Variants in ITIH2 observed in about 807,000 individuals in gnomAD.
The protein encoded by ITIH2 is inter-alpha-trypsin inhibitor heavy chain H2.
A neutral mutation model predicts 104.4 loss-of-function variants in ITIH2; 103 were observed. The observed-to-expected ratio is 0.99, with a 90% CI of 0.84 to 1.16. ITIH2 has a LOEUF of 1.16. Among genes scored for constraint, ITIH2 ranks in the 50% most tolerant of loss-of-function variants. The pLI is 0.00. For missense variants in ITIH2, 1,108 were observed against 1,162.4 expected, an observed-to-expected ratio of 0.95 and a Z score of 0.68; for synonymous variants, 436 against 435.4, an observed-to-expected ratio of 1.00 and a Z score of -0.02.
At chr10:7,741,413 C>G (rs1835123330) in intron 16 of ITIH2, among the ~76,000 whole-genome samples, 1 of 151,976 alleles carries the variant, frequency 6.6e-6, no homozygotes, top group African/African-American at 2.4e-5. Context: ...TGCCTGACCT[C>G]GTGATCCACC....
chr10:7,748,518 A>ATTTTTTTTTTTTTTTTTT (rs1564309292), intron 20 of ITIH2, among the ~76,000 whole-genome samples: 1 of 29,008 alleles, frequency 3.4e-5, no homozygotes, highest in Non-Finnish European at 9.0e-5. Context: ...CCGCCAATGC[A>ATTTTTTTTTTTTTTTTTT]TTCTTTTTTT....
chr10:7,717,243 C>T (rs953903870), intron 5 of ITIH2, among the ~76,000 whole-genome samples: 1 of 152,212 alleles, frequency 6.6e-6, no homozygotes, highest in East Asian at 1.9e-4. Context: ...TGAACCACCA[C>T]ACCCAGCCCA....
chr10:7,737,686 T>TTC lies in ITIH2; in HGVS notation c.1958-934_1958-933insCT, dbSNP rs1564305666. 2.0e-3 allele frequency among the ~76,000 whole-genome samples: 34 copies of TTC among 16,590 alleles called. 6 individuals are homozygous for TTC. Among genetic ancestry groups the TTC allele is most frequent in the East Asian group, 8.3e-3 (2 of 240 alleles). 10.9% of individuals were successfully genotyped at this position (16,590 alleles called of 152,430 possible). ...TATATTATATTCTATATTTTCTATA[T>TTC]TATATTCTATATAATATTCTATATT... On this transcript the variant is annotated intron_variant, in intron 15 of 20. Transcript: ENST00000358415.
intron 18 of ITIH2, 111 bp downstream of exon 18, chr10:7,744,391 G>T (rs1250373936): frequency 2.1e-6 from 2 of 969,258 alleles, no homozygotes; most frequent in African/African-American, 3.3e-5. Flanking sequence ...TTAAATATAA[G>T]GAAGTTGAGG....
intron 9 of ITIH2, among the ~76,000 whole-genome samples, chr10:7,724,516 G>A (rs1157678601): frequency 7.4e-6 from 1 of 134,744 alleles, no homozygotes; most frequent in African/African-American, 2.8e-5. Flanking sequence ...GTTGCAGCGA[G>A]CAGAGATCGC....
chr10:7,730,575 C>G (rs143014209), intron 12 of ITIH2, among the ~76,000 whole-genome samples: 4 of 152,142 alleles, frequency 2.6e-5, no homozygotes, highest in African/African-American at 9.7e-5. Context: ...AATCCCAGCT[C>G]TTTGGAGGCC....
At chr10:7,722,741 G>T (rs1834915850) in intron 8 of ITIH2, among the ~76,000 whole-genome samples, 1 of 152,184 alleles carries the variant, frequency 6.6e-6, no homozygotes, top group Non-Finnish European at 1.5e-5. Flanking sequence ...GCTTCCTAGA[G>T]AACCGTCCCC....
At chr10:7,711,587 T>C (rs1834797558) in intron 4 of ITIH2, among the ~76,000 whole-genome samples, 1 of 152,170 alleles carries the variant, frequency 6.6e-6, no homozygotes, top group Admixed American at 6.5e-5. Context: ...TCTGATTCGA[T>C]AGAAGCATGA....
intron 11 of ITIH2, chr10:7,729,730 T>A (rs768159118): frequency 9.7e-5 from 43 of 442,296 alleles, no homozygotes; most frequent in Non-Finnish European, 1.6e-4. Flanking sequence ...GTTTCCAATA[T>A]GTTGCTAATT....
intron 4 of ITIH2, among the ~76,000 whole-genome samples, 183 bp from the exon 5 acceptor site, chr10:7,712,998 T>TA (rs750866146): frequency 3.3e-5 from 5 of 152,094 alleles, no homozygotes; most frequent in Admixed American, 6.6e-5. Context: ...CAGACGCCTA[T>TA]AATCCCAGCT....
rs1387689911 is a variant in ITIH2 at position 7,738,736 on chromosome 10, G to A, written c.2073G>A (p.Thr691=). 6.2e-6 allele frequency: 10 copies of A among 1,612,106 alleles called. No homozygotes were observed. The highest frequency in any genetic ancestry group is 2.2e-5 in the South Asian group (2 of 90,860). ...AAGGATCTCAGGTGCTAGAGTCCAC[G>A]CCACCCCCACATGTGATGAGAGGTA... ...LAQGSQVLES[T]PPPHVMRVEN... Residue 691 remains threonine, a synonymous_variant, in exon 16 of 21, where the codon ACG becomes ACA. Coordinates refer to ENST00000358415, the MANE Select transcript of ITIH2 (RefSeq NM_002216.3).
chr10:7,721,776 A>G lies in ITIH2; in HGVS notation c.866A>G (p.Glu289Gly). Residue 289 changes from glutamate (E) to glycine (G), a missense_variant and splice_region_variant, in exon 8 of 21, where the codon GAG becomes GGG. Coordinates refer to ENST00000358415, the MANE Select transcript of ITIH2 (RefSeq NM_002216.3). ...AGAGAAGAGAAGGCTGGTGAACTGGAGGTGAGTGCACACCGGCTCTGGTTC... is the reference window on the plus strand; with the variant it reads ...AGAGAAGAGAAGGCTGGTGAACTGGGGGTGAGTGCACACCGGCTCTGGTTC... ...VKREEKAGELEVFNGYFVHFF... is the reference protein window; with the variant it reads ...VKREEKAGELGVFNGYFVHFF... 6.2e-7 allele frequency: 1 copy of G among 1,613,848 alleles called. No individual in the cohort carries two copies. Among genetic ancestry groups the G allele is most frequent in the Non-Finnish European group, 8.5e-7 (1 of 1,179,870 alleles).
At chr10:7,711,003 T>C (rs1023471356) in intron 4 of ITIH2, among the ~76,000 whole-genome samples, 1 of 137,220 alleles carries the variant, frequency 7.3e-6, no homozygotes, top group African/African-American at 2.5e-5. Flanking sequence ...ACATGTGCCA[T>C]GGTGGTTTGC....
Position 7,731,853 on chromosome 10 carries a change from C to G in ITIH2, c.1504C>G (p.Gln502Glu). The G allele has an allele frequency of 6.2e-7, 1 of 1,613,596 alleles. No homozygotes were observed. The highest frequency in any genetic ancestry group is 8.5e-7 in the Non-Finnish European group (1 of 1,179,638). ...CTCCACTCCATTGCTCCGGAATGTT[C>G]AGTTCAACTATCCCCATACATCAGT... The part of the protein sequence containing the change: ...QVSTPLLRNV[Q>E]FNYPHTSVTD... The change falls in exon 13 of 21, where the codon CAG (glutamine) becomes GAG (glutamate). Residue 502 changes from glutamine to glutamate, a missense_variant. Transcript: ENST00000358415.
At chr10:7,707,770 G>T (rs959860635) in intron 3 of ITIH2, among the ~76,000 whole-genome samples, 1 of 152,056 alleles carries the variant, frequency 6.6e-6, no homozygotes, top group Non-Finnish European at 1.5e-5. Flanking sequence ...TCACCATGTT[G>T]GCCAGGCTGG....
chr10:7,721,877 G>C (rs1834907391), intron 8 of ITIH2, 100 bp downstream of exon 8: 1 of 1,315,480 alleles, frequency 7.6e-7, no homozygotes, highest in Non-Finnish European at 1.1e-6. Context: ...CTAGCTGCCA[G>C]GGCAAGTGTT....
chr10:7,730,152 C>A lies in ITIH2; in HGVS notation c.1461+19C>A, dbSNP rs746683992. 1 of 1,556,436 alleles carries A rather than the reference C, an allele frequency of 6.4e-7. No individual in the cohort carries two copies. Among genetic ancestry groups the A allele is most frequent in the South Asian group, 1.2e-5 (1 of 84,410 alleles). The stretch of plus-strand genomic sequence containing the variant: ...GCTTAAGGTAACATTTTCTTCTGTT[C>A]TTTTTTTATTCTTCACTGGAAATCA... On this transcript the variant is annotated intron_variant, in intron 12 of 20. Transcript: ENST00000358415.
intron 3 of ITIH2, among the ~76,000 whole-genome samples, chr10:7,708,475 T>A (rs551818295): frequency 6.6e-6 from 1 of 152,316 alleles, no homozygotes; most frequent in East Asian, 1.9e-4. Flanking sequence ...TAGCTTGTTT[T>A]GACTTGGGGG....
intron 20 of ITIH2, among the ~76,000 whole-genome samples, chr10:7,748,646 A>G (rs1835204565): frequency 7.0e-6 from 1 of 141,970 alleles, no homozygotes; most frequent in South Asian, 2.2e-4. Flanking sequence ...GGTTCAAGCA[A>G]TTCTCTTGCC....
Sources: gnomAD v4.1 joint callset for allele counts (sites outside exome capture counted in the v4.1 genomes callset) on GRCh38, gnomAD v4.1.1 for gene constraint, MANE v1.5 for transcripts, NCBI Gene and HGNC (gene_info 2026-07-23, HGNC 2026-07-21) for gene names.